Variants in CUBN observed in about 807,000 individuals in gnomAD.
CUBN encodes the protein cubilin.
A neutral mutation model predicts 405.3 loss-of-function variants in CUBN; 282 were observed. That is an observed-to-expected ratio of 0.70 (90% CI 0.63 to 0.77). The LOEUF is 0.77. Ranked by LOEUF, CUBN falls within the 30% of genes least tolerant of loss-of-function variation. The probability of loss-of-function intolerance (pLI) is 0.00; values close to 1 mark genes in which losing one functional copy is unlikely to be tolerated. For missense variants in CUBN, 4,514 were observed against 4,475.2 expected, an observed-to-expected ratio of 1.01 and a Z score of -0.25; for synonymous variants, 1,684 against 1,617.0, an observed-to-expected ratio of 1.04 and a Z score of -0.99.
At position 17,068,209 on chromosome 10, in the gene CUBN, C is replaced by T. The variant is rs567450170; in HGVS notation, c.2863G>A (p.Gly955Ser). 13 of 1,613,606 alleles carry T rather than the reference C, an allele frequency of 8.1e-6. No individual in the cohort carries two copies. In the South Asian group the frequency reaches 1.2e-4, roughly 15 times the overall value. ...AATATATGCCAAGTACAGTTGATAC[C>T]GTGGGGGTAGACATTTGGATGGCCA... ...SPGHPNVYPH[G>S]INCTWHILVQ... Residue 955 changes from glycine (G) to serine (S), a missense_variant, in exon 21 of 67, where the codon GGT becomes AGT. By Grantham distance (56) the Gly-to-Ser change is moderately conservative. Coordinates refer to ENST00000377833, the MANE Select transcript of CUBN (RefSeq NM_001081.4).
chr10:16,928,252 G>A lies in CUBN; in HGVS notation c.6176C>T (p.Pro2059Leu), dbSNP rs1842252085. The A allele has an allele frequency of 1.2e-6, 2 of 1,613,836 alleles. No homozygotes were observed. Among genetic ancestry groups the A allele is most frequent in the Admixed American group, 1.7e-5 (1 of 59,978 alleles). ...QLAVLCGREI[P>L]GPIRSTGEYM... ...CTCTCCAGTAGACCGGATGGGCCCA[G>A]GGATCTCTCTGCCACAGAGAACTGC... The change falls in exon 41 of 67, where the codon CCT becomes CTT. Residue 2059 changes from proline (P) to leucine (L), a missense_variant. Physicochemically the swap from Pro to Leu is moderately conservative, Grantham distance 98. Transcript: ENST00000377833.
At chr10:16,829,248 A>T (rs1303217760) in intron 65 of CUBN, among the ~76,000 whole-genome samples, 1 of 150,252 alleles carries the variant, frequency 6.7e-6, no homozygotes, top group Non-Finnish European at 1.5e-5. Flanking sequence ...CACCTCTTCC[A>T]TCCTCCACAC....
At chr10:17,129,362 G>A in intron 1 of CUBN, 112 bp from the exon 2 acceptor site, 4 of 1,282,698 alleles carry the variant, frequency 3.1e-6, no homozygotes, top group Non-Finnish European at 4.5e-6. Flanking sequence ...TTCACTTTTT[G>A]ATCATCTCAA....
intron 27 of CUBN, among the ~76,000 whole-genome samples, chr10:17,035,883 A>C (rs1197055781): frequency 6.6e-6 from 1 of 151,640 alleles, no homozygotes; most frequent in African/African-American, 2.4e-5. Flanking sequence ...AATAATGAGA[A>C]CTAGGCTTAA....
chr10:16,830,180 C>T (rs1480527889), intron 65 of CUBN, among the ~76,000 whole-genome samples: 1 of 152,112 alleles, frequency 6.6e-6, no homozygotes, highest in African/African-American at 2.4e-5. Context: ...AGGTGATCCA[C>T]CCACCTTGGT....
chr10:16,946,615 C>A (rs977319913), intron 36 of CUBN, among the ~76,000 whole-genome samples: 1 of 151,692 alleles, frequency 6.6e-6, no homozygotes, highest in African/African-American at 2.4e-5. Context: ...CCTGCCTCAG[C>A]CTCCCAAGCA....
At chr10:17,012,806 TC>T (rs1322499566) in intron 28 of CUBN, among the ~76,000 whole-genome samples, 2 of 152,240 alleles carry the variant, frequency 1.3e-5, no homozygotes, top group Non-Finnish European at 2.9e-5. Context: ...TTTTCCTAAC[TC>T]TGCTTCCATA....
intron 31 of CUBN, among the ~76,000 whole-genome samples, chr10:16,968,421 T>C (rs1843461501): frequency 6.6e-6 from 1 of 152,198 alleles, no homozygotes; most frequent in African/African-American, 2.4e-5. Context: ...CTTTTGCTTT[T>C]GCTTTTTGGT....
chr10:17,085,490 T>C, intron 16 of CUBN, 107 bp downstream of exon 16: 1 of 1,144,122 alleles, frequency 8.7e-7, no homozygotes, highest in South Asian at 1.2e-5. Flanking sequence ...ATGTTCTTGG[T>C]CTAAGACAGT....
At chr10:17,125,651 G>A (rs1055049558) in intron 4 of CUBN, among the ~76,000 whole-genome samples, 5 of 152,198 alleles carry the variant, frequency 3.3e-5, no homozygotes, top group Non-Finnish European at 5.9e-5. Flanking sequence ...GAAGACAATA[G>A]GGAGTGGTGG....
intron 45 of CUBN, 124 bp from the exon 46 acceptor site, chr10:16,916,154 T>A: frequency 1.2e-6 from 1 of 842,648 alleles, no homozygotes; most frequent in Non-Finnish European, 1.9e-6. Context: ...GCCAAGTGAC[T>A]CTGAATTGAA....
At chr10:17,052,963 T>C (rs1835308505) in intron 22 of CUBN, among the ~76,000 whole-genome samples, 1 of 151,864 alleles carries the variant, frequency 6.6e-6, no homozygotes, top group African/African-American at 2.4e-5. Context: ...TTGTGTAATA[T>C]GAAGTGTCAG....
chr10:17,079,646 CACAAT>C (rs1320611968), intron 17 of CUBN, among the ~76,000 whole-genome samples: 2 of 152,140 alleles, frequency 1.3e-5, no homozygotes, highest in Admixed American at 1.3e-4. Flanking sequence ...AACTGAAAAA[CACAAT>C]ACTATTCAGC....
At position 16,954,403 on chromosome 10, in the gene CUBN, G is replaced by T. The variant is rs771068202; in HGVS notation, c.4841C>A (p.Ala1614Asp). ...AGGGTACTTGCCTTGCCTGAATTGA[G>T]CTCGGAAGCCTCTGTTCTGTCTGGA... ...GPSRQNRGFRAQFRQACGGHI... is the reference protein window; with the variant it reads ...GPSRQNRGFRDQFRQACGGHI... The change falls in exon 32 of 67, where the codon GCT becomes GAT. Residue 1614 changes from alanine (A) to aspartate (D), a missense_variant. Physicochemically the swap from Ala to Asp is moderately radical, Grantham distance 126 (BLOSUM62 -2). This residue lies in a region of CUBN where 1,613 missense variants were observed against 1,542.8 expected (regional missense o/e 1.05). Coordinates refer to ENST00000377833, the MANE Select transcript of CUBN (RefSeq NM_001081.4). 5 of 1,614,026 alleles carry T rather than the reference G, an allele frequency of 3.1e-6. No homozygotes were observed. The African/African-American group carries it at 6.7e-5, about 22-fold the overall frequency.
rs1486840414 is a variant in CUBN, at chr10:17,047,001, A to C, written c.3329+413T>G. 2.6e-5 allele frequency among the ~76,000 whole-genome samples: 4 copies of C among 152,216 alleles called. 1 individual carries two copies. The highest frequency in any genetic ancestry group is 5.9e-5 in the Non-Finnish European group (4 of 68,028). On this transcript the variant is annotated intron_variant, in intron 23 of 66. Coordinates refer to ENST00000377833, the MANE Select transcript of CUBN (RefSeq NM_001081.4). The stretch of plus-strand genomic sequence containing the variant: ...ATTACCTGAACATGAAAACTTTGTG[A>C]AAACTTTAAGATTGCTATCCTGCCA...
At chr10:17,066,749 G>A (rs535175741) in intron 21 of CUBN, among the ~76,000 whole-genome samples, 2 of 152,062 alleles carry the variant, frequency 1.3e-5, no homozygotes, top group South Asian at 2.1e-4. Flanking sequence ...GGATAAGAAG[G>A]ATATTTAAAA....
At chr10:16,891,959 T>C (rs2131403543) in intron 54 of CUBN, among the ~76,000 whole-genome samples, 1 of 152,328 alleles carries the variant, frequency 6.6e-6, no homozygotes, top group East Asian at 1.9e-4. Flanking sequence ...TGGATGTGTA[T>C]TAATCTTACT....
At chr10:17,047,368 GAATA>G in intron 23 of CUBN, 42 bp downstream of exon 23, 1 of 1,412,468 alleles carries the variant, frequency 7.1e-7, no homozygotes, top group Non-Finnish European at 9.9e-7. Flanking sequence ...TTATTAATGA[GAATA>G]AATAATGAAA....
intron 6 of CUBN, among the ~76,000 whole-genome samples, chr10:17,121,229 T>C (rs998889927): frequency 3.9e-5 from 6 of 152,176 alleles, no homozygotes; most frequent in Non-Finnish European, 8.8e-5. Flanking sequence ...AATTTGAGTT[T>C]ATAACCTGGA....
Sources: gnomAD v4.1 joint callset for allele counts (sites outside exome capture counted in the v4.1 genomes callset) on GRCh38, gnomAD v4.1.1 for gene constraint, gnomAD v4.1.1 regional missense constraint, MANE v1.5 for transcripts, NCBI Gene and HGNC (gene_info 2026-07-23, HGNC 2026-07-21) for gene names.